Variants in RTL4 observed in about 807,000 individuals in gnomAD.
RTL4 encodes the protein retrotransposon Gag like 4, also known as retrotransposon Gag-like protein 4.
A neutral mutation model predicts 5.3 loss-of-function variants in RTL4; 4 were observed. The observed-to-expected ratio is 0.75, with a 90% confidence interval of 0.37 to 1.72. RTL4 has a LOEUF of 1.72. RTL4 is among the 40% of genes most tolerant of loss of function. The pLI is 0.04. For missense variants in RTL4, 260 were observed against 227.1 expected, an observed-to-expected ratio of 1.14 and a Z score of -0.93; for synonymous variants, 98 against 87.3, an observed-to-expected ratio of 1.12 and a Z score of -0.68.
At chrX:112,321,164 T>A in the RTL4 span, among the ~76,000 whole-genome samples, 1 of 111,305 alleles carries the variant, frequency 9.0e-6, no homozygotes, top group East Asian at 2.8e-4. Context: ...ATGAAAAAAA[T>A]TAAAATGGCT....
chrX:112,388,530 A>C, the RTL4 span, among the ~76,000 whole-genome samples: 863 of 112,142 alleles, frequency 7.7e-3, 11 homozygotes, highest in African/African-American at 0.026. Context: ...CCCATTCAGT[A>C]TGATGTTGGT....
chrX:112,197,192 C>T, the RTL4 span, among the ~76,000 whole-genome samples: 3 of 104,316 alleles, frequency 2.9e-5, no homozygotes, highest in Admixed American at 1.0e-4. Flanking sequence ...AAATGGTCAA[C>T]AGTTGTTATA....
chrX:112,267,360 A>T, the RTL4 span, among the ~76,000 whole-genome samples: 1 of 112,016 alleles, frequency 8.9e-6, no homozygotes, highest in East Asian at 2.8e-4. Context: ...CAATGAACAC[A>T]ATCAACATCC....
the RTL4 span, among the ~76,000 whole-genome samples, chrX:112,171,624 T>C: frequency 8.9e-5 from 10 of 111,958 alleles, no homozygotes; most frequent in Admixed American, 1.9e-4. Context: ...TTTCCGATTG[T>C]GTCTATTTGG....
At chrX:112,368,778 C>A in the RTL4 span, among the ~76,000 whole-genome samples, 2 of 111,965 alleles carry the variant, frequency 1.8e-5, no homozygotes, top group Admixed American at 9.5e-5. Context: ...AGCTAAAGTG[C>A]TTATTTATAT....
At chrX:112,288,713 G>A in the RTL4 span, among the ~76,000 whole-genome samples, 1 of 111,150 alleles carries the variant, frequency 9.0e-6, no homozygotes, top group East Asian at 2.8e-4. Flanking sequence ...CCTTATTCTG[G>A]GACCCAGGCT....
At chrX:112,136,362 C>T in the RTL4 span, among the ~76,000 whole-genome samples, 1 of 111,703 alleles carries the variant, frequency 9.0e-6, no homozygotes. Flanking sequence ...TCCAGTACTA[C>T]ATGGAATAGC....
chrX:112,101,969 A>G, the RTL4 span, among the ~76,000 whole-genome samples: 1 of 110,865 alleles, frequency 9.0e-6, no homozygotes, highest in Non-Finnish European at 1.9e-5. Flanking sequence ...CAGCCTTTCA[A>G]GAGACTGTGG....
the RTL4 span, among the ~76,000 whole-genome samples, chrX:112,313,607 C>CCTCTCTCT: frequency 9.9e-6 from 1 of 101,222 alleles, no homozygotes; most frequent in African/African-American, 3.6e-5. Flanking sequence ...TGCTTCAGAA[C>CCTCTCTCT]CTCTCTCTCT....
chrX:112,411,577 A>G, the RTL4 span, among the ~76,000 whole-genome samples: 19 of 111,762 alleles, frequency 1.7e-4, no homozygotes, highest in African/African-American at 6.2e-4. Context: ...GTGATACATC[A>G]TGTCAAGAGA....
At chrX:112,424,477 A>G in the RTL4 span, among the ~76,000 whole-genome samples, 6 of 111,287 alleles carry the variant, frequency 5.4e-5, no homozygotes, top group African/African-American at 1.6e-4. Flanking sequence ...TAACTGCTAC[A>G]TCTGAGGTTG....
At chrX:112,336,577 G>A in the RTL4 span, among the ~76,000 whole-genome samples, 15 of 111,871 alleles carry the variant, frequency 1.3e-4, no homozygotes, top group African/African-American at 4.5e-4. Flanking sequence ...TTCTAAAACC[G>A]TACTGTGCAA....
chrX:112,432,541 G>A, the RTL4 span, among the ~76,000 whole-genome samples: 1 of 100,776 alleles, frequency 9.9e-6, no homozygotes, highest in African/African-American at 3.7e-5. Flanking sequence ...TTTGAGAAGT[G>A]TCTGTTCATG....
chrX:112,449,891 G>A (rs1051074643), upstream of RTL4, among the ~76,000 whole-genome samples: 1 of 112,212 alleles, frequency 8.9e-6, no homozygotes, highest in Non-Finnish European at 1.9e-5. Context: ...TGCCCATGTG[G>A]CCATTGATCT....
the RTL4 span, among the ~76,000 whole-genome samples, chrX:112,352,455 A>G: frequency 4.5e-5 from 5 of 111,652 alleles, no homozygotes; most frequent in African/African-American, 1.6e-4. Context: ...AGTAACCAAA[A>G]CAGGATGGTA....
At chrX:112,310,003 C>T in the RTL4 span, among the ~76,000 whole-genome samples, 1 of 104,021 alleles carries the variant, frequency 9.6e-6, no homozygotes, top group African/African-American at 3.5e-5. Context: ...TGCACAGACC[C>T]GAGATCGTGC....
the RTL4 span, among the ~76,000 whole-genome samples, chrX:112,408,013 C>G: frequency 8.9e-6 from 1 of 111,780 alleles, no homozygotes; most frequent in Non-Finnish European, 1.9e-5. Flanking sequence ...TTCTGGAAAG[C>G]CTTCCCAAGA....
chrX:112,203,179 C>T, the RTL4 span, among the ~76,000 whole-genome samples: 3 of 110,344 alleles, frequency 2.7e-5, no homozygotes, highest in South Asian at 1.2e-3. Flanking sequence ...ATAGGGGTTG[C>T]GAATATTTTC....
At chrX:112,353,137 CA>C in the RTL4 span, among the ~76,000 whole-genome samples, 4 of 111,622 alleles carry the variant, frequency 3.6e-5, no homozygotes, top group Admixed American at 2.8e-4. Context: ...ATTGAAATAC[CA>C]TCTCACACCA....
Sources: allele counts gnomAD v4.1 joint callset (sites outside exome capture counted in the v4.1 genomes callset), GRCh38; gene constraint gnomAD v4.1.1; transcripts MANE v1.5; gene names NCBI Gene and HGNC (gene_info 2026-07-23, HGNC 2026-07-21).